Variants in USH2A observed in about 807,000 individuals in gnomAD.
The protein encoded by USH2A is usherin.
USH2A carries 443 observed loss-of-function variants against 538.9 expected under a neutral mutation model. The observed-to-expected ratio is 0.82, with a 90% CI of 0.76 to 0.89. The LOEUF is 0.89. USH2A is among the 40% of genes least tolerant of loss of function. The pLI, the probability that USH2A is intolerant of heterozygous loss-of-function variation, is 0.00. For missense variants in USH2A, 6,633 were observed against 6,324.8 expected, an observed-to-expected ratio of 1.05 and a Z score of -1.65; for synonymous variants, 2,413 against 2,273.5, an observed-to-expected ratio of 1.06 and a Z score of -1.75.
rs74777031 is a variant in USH2A, at chr1:215,745,971, C to T, written c.11390-2636G>A. ...AAGTTCTGCAGACCAAGTATCCCAACCTGAAATACACCTGCTTTGGAGGTT... is the reference window on the plus strand; with the variant it reads ...AAGTTCTGCAGACCAAGTATCCCAATCTGAAATACACCTGCTTTGGAGGTT... On this transcript the variant is annotated intron_variant, in intron 58 of 71. Transcript: ENST00000307340. Among the ~76,000 whole-genome samples, 1,357 of 152,272 alleles carry T rather than the reference C, an allele frequency of 8.9e-3. 17 individuals carry two copies. The highest frequency in any genetic ancestry group is 0.031 in the African/African-American group (1,292 of 41,548).
intron 35 of USH2A, among the ~76,000 whole-genome samples, chr1:215,989,596 C>G (rs754871439): frequency 6.6e-6 from 1 of 152,024 alleles, no homozygotes; most frequent in African/African-American, 2.4e-5. Flanking sequence ...GCTCCTGAAG[C>G]GATCTGGGTG....
chr1:215,868,613 A>G (rs1664543692), intron 43 of USH2A, among the ~76,000 whole-genome samples: 2 of 152,210 alleles, frequency 1.3e-5, no homozygotes, highest in South Asian at 4.1e-4. Context: ...CCCTGTGAAC[A>G]CGACCTTATT....
intron 3 of USH2A, among the ~76,000 whole-genome samples, chr1:216,378,593 C>T (rs2038878020): frequency 1.3e-5 from 2 of 152,122 alleles, no homozygotes; most frequent in African/African-American, 4.8e-5. Context: ...CCACACAAGC[C>T]TTAATAATCA....
chr1:216,334,357 A>G (rs995985354), intron 4 of USH2A, among the ~76,000 whole-genome samples: 5 of 152,020 alleles, frequency 3.3e-5, no homozygotes, highest in Non-Finnish European at 5.9e-5. Flanking sequence ...AGGGTATTAA[A>G]TTATACACTA....
intron 37 of USH2A, among the ~76,000 whole-genome samples, chr1:215,951,304 G>T (rs182159473): frequency 1.3e-5 from 2 of 152,082 alleles, no homozygotes; most frequent in Non-Finnish European, 2.9e-5. Context: ...CCTTCATTTC[G>T]TTATGTACCC....
intron 3 of USH2A, among the ~76,000 whole-genome samples, chr1:216,377,634 T>C (rs2038846857): frequency 1.3e-5 from 2 of 150,964 alleles, no homozygotes; most frequent in Non-Finnish European, 2.9e-5. Context: ...TCTGACATGT[T>C]TCTTCCCAAA....
chr1:215,836,475 TATATA>T (rs1255842211), intron 47 of USH2A, among the ~76,000 whole-genome samples: 460 of 5,476 alleles, frequency 0.084, 21 homozygotes, highest in African/African-American at 0.15. Flanking sequence ...TATATATATA[TATATA>T]ATATATATTA....
chr1:215,893,368 C>T (rs1212191878), intron 40 of USH2A, among the ~76,000 whole-genome samples: 6 of 152,148 alleles, frequency 3.9e-5, no homozygotes, highest in Non-Finnish European at 8.8e-5. Flanking sequence ...TAAAACTAAA[C>T]TCATGCCATT....
chr1:216,416,716 G>A (rs561896187), intron 3 of USH2A, among the ~76,000 whole-genome samples: 8 of 152,200 alleles, frequency 5.3e-5, no homozygotes, highest in East Asian at 1.9e-4. Flanking sequence ...CATGGTTACC[G>A]CTCTGCATTT....
chr1:215,890,064 C>T (rs1665170143), intron 40 of USH2A, among the ~76,000 whole-genome samples: 1 of 152,130 alleles, frequency 6.6e-6, no homozygotes, highest in Admixed American at 6.5e-5. Context: ...TGCAATAACA[C>T]AAATCTGGCT....
intron 61 of USH2A, among the ~76,000 whole-genome samples, chr1:215,687,942 G>T (rs1018861808): frequency 6.6e-6 from 1 of 152,056 alleles, no homozygotes. Context: ...TATAAAGGAG[G>T]ACAAATGGGC....
intron 3 of USH2A, among the ~76,000 whole-genome samples, chr1:216,384,949 G>A (rs945151553): frequency 2.6e-5 from 4 of 152,156 alleles, no homozygotes; most frequent in African/African-American, 9.7e-5. Flanking sequence ...GTGAAAAAGT[G>A]AAGCTTCATG....
chr1:215,886,562 A>G (rs1432420257), intron 41 of USH2A: 2 of 152,186 alleles, frequency 1.3e-5, no homozygotes, highest in Non-Finnish European at 2.9e-5. Flanking sequence ...TTACTAGTGT[A>G]CCATGTTCAT....
At chr1:215,835,574 T>C (rs6691299) in intron 47 of USH2A, among the ~76,000 whole-genome samples, 13,838 of 152,106 alleles carry the variant, frequency 0.091, 665 homozygotes, top group East Asian at 0.19. Flanking sequence ...GGAAGAGAAA[T>C]AGACCCCTGG....
chr1:215,954,664 T>C (rs146405568), intron 37 of USH2A, among the ~76,000 whole-genome samples: 8 of 151,776 alleles, frequency 5.3e-5, no homozygotes, highest in Admixed American at 2.6e-4. Flanking sequence ...TGTATACATA[T>C]GTAACTAACC....
intron 21 of USH2A, among the ~76,000 whole-genome samples, chr1:216,159,537 TAC>T (rs60343349): frequency 0.29 from 42,567 of 146,722 alleles, 6,616 homozygotes; most frequent in East Asian, 0.57. Context: ...TTTATTTATG[TAC>T]ACACACACAC....
chr1:215,922,613 C>G (rs751086777), intron 38 of USH2A, among the ~76,000 whole-genome samples: 5 of 151,974 alleles, frequency 3.3e-5, no homozygotes, highest in Non-Finnish European at 5.9e-5. Context: ...TGAAGGCACC[C>G]AGTGACCTGG....
intron 14 of USH2A, among the ~76,000 whole-genome samples, chr1:216,224,722 A>G (rs975454900): frequency 6.6e-6 from 1 of 152,150 alleles, no homozygotes; most frequent in Non-Finnish European, 1.5e-5. Context: ...CCAAGAGAAA[A>G]CAATATAGCA....
intron 32 of USH2A, among the ~76,000 whole-genome samples, chr1:216,038,319 A>C (rs1411667226): frequency 6.6e-6 from 1 of 151,976 alleles, no homozygotes; most frequent in Non-Finnish European, 1.5e-5. Context: ...TACTGAATTC[A>C]TGTTGCCCTG....
Sources: allele counts gnomAD v4.1 joint callset (sites outside exome capture counted in the v4.1 genomes callset), GRCh38; gene constraint gnomAD v4.1.1; transcripts MANE v1.5; gene names NCBI Gene and HGNC (gene_info 2026-07-23, HGNC 2026-07-21).